The following RUNX1T1 variants were observed in gnomAD, a reference collection of about 807,000 sequenced individuals.
RUNX1T1 encodes RUNX1 partner transcriptional co-repressor 1.
RUNX1T1 carries 4 observed loss-of-function variants against 62.8 expected under a neutral mutation model. The ratio of observed to expected loss-of-function variants is 0.06; its 90% CI spans 0.03 to 0.15. The LOEUF is 0.15. RUNX1T1 is among the 10% of genes least tolerant of loss of function. The pLI, the probability that RUNX1T1 is intolerant of heterozygous loss-of-function variation, is 1.00. For missense variants in RUNX1T1, 508 were observed against 754.3 expected, an observed-to-expected ratio of 0.67 and a Z score of 3.82; for synonymous variants, 291 against 286.0, an observed-to-expected ratio of 1.02 and a Z score of -0.18.
chr8:91,965,704 C>G (rs148243415), intron 10 of RUNX1T1, among the ~76,000 whole-genome samples: 34 of 152,184 alleles, frequency 2.2e-4, no homozygotes, highest in African/African-American at 8.2e-4. Context: ...CACTTTATTG[C>G]AAACCCCTCT....
chr8:92,002,472 CA>C (rs750933763), intron 5 of RUNX1T1, among the ~76,000 whole-genome samples: 4 of 152,012 alleles, frequency 2.6e-5, no homozygotes, highest in Non-Finnish European at 4.4e-5. Context: ...TTAAATTTGC[CA>C]AAACCCATCC....
At chr8:92,024,067 G>A (rs1204295984) in intron 1 of RUNX1T1, among the ~76,000 whole-genome samples, 1 of 152,158 alleles carries the variant, frequency 6.6e-6, no homozygotes, top group Non-Finnish European at 1.5e-5. Flanking sequence ...TCATTCTAGT[G>A]AATACGAGGG....
intron 1 of RUNX1T1, among the ~76,000 whole-genome samples, chr8:92,058,951 C>T (rs1256220417): frequency 1.3e-5 from 2 of 152,088 alleles, no homozygotes; most frequent in Non-Finnish European, 2.9e-5. Flanking sequence ...TTTCAATAGA[C>T]CATTAACTGC....
At chr8:92,072,065 A>C (rs1223669988) in intron 2 of RUNX1T1, among the ~76,000 whole-genome samples, 2 of 152,250 alleles carry the variant, frequency 1.3e-5, no homozygotes, top group Non-Finnish European at 2.9e-5. Context: ...AAAAATTCAT[A>C]TACAGCAAAT....
At chr8:92,090,999 C>T (rs1383999567) in intron 1 of RUNX1T1, among the ~76,000 whole-genome samples, 1 of 152,188 alleles carries the variant, frequency 6.6e-6, no homozygotes, top group African/African-American at 2.4e-5. Flanking sequence ...CCAAGACCAA[C>T]AACTAAGTAG....
At chr8:92,014,741 G>A (rs1282813228) in exon 3 of RUNX1T1, 3 of 1,614,134 alleles carry the variant, frequency 1.9e-6, no homozygotes, top group African/African-American at 1.3e-5. Flanking sequence ...AGGAAGAAGA[G>A]GAAGGCCCAT....
chr8:92,002,508 T>C (rs1234919728), intron 5 of RUNX1T1, among the ~76,000 whole-genome samples: 1 of 152,176 alleles, frequency 6.6e-6, no homozygotes, highest in Non-Finnish European at 1.5e-5. Flanking sequence ...GACTGTTTAG[T>C]ACATTAACTC....
At chr8:92,019,584 C>T (rs1430600459) in intron 1 of RUNX1T1, among the ~76,000 whole-genome samples, 1 of 152,134 alleles carries the variant, frequency 6.6e-6, no homozygotes, top group African/African-American at 2.4e-5. Flanking sequence ...TTAATGTGCA[C>T]AGCCCCCTAC....
chr8:92,006,281 G>A (rs1338367228), intron 4 of RUNX1T1: 1 of 152,096 alleles, frequency 6.6e-6, no homozygotes, highest in Non-Finnish European at 1.5e-5. Flanking sequence ...ATTATTGTTT[G>A]GGGAGGGGCA....
chr8:92,080,527 A>G (rs559599536), intron 1 of RUNX1T1, among the ~76,000 whole-genome samples: 3 of 152,364 alleles, frequency 2.0e-5, no homozygotes, highest in South Asian at 2.1e-4. Flanking sequence ...CCTTTAAGGC[A>G]TAAGTGCACT....
chr8:92,034,974 A>C (rs549679543), intron 1 of RUNX1T1, among the ~76,000 whole-genome samples: 27 of 152,060 alleles, frequency 1.8e-4, no homozygotes, highest in Non-Finnish European at 3.5e-4. Context: ...ATTTATAAGT[A>C]GGAGCTAAAT....
At chr8:92,062,563 A>G in exon 1 of RUNX1T1, 1 of 1,614,064 alleles carries the variant, frequency 6.2e-7, no homozygotes, top group Non-Finnish European at 8.5e-7. Context: ...CCTTGAATCC[A>G]GCGTACCACA....
intron 1 of RUNX1T1, 109 bp from the exon 2 acceptor site, chr8:92,076,246 TA>T (rs927247456): frequency 2.6e-3 from 1,981 of 753,312 alleles, no homozygotes; most frequent in East Asian, 0.012. Context: ...ATGTTTTGTT[TA>T]AAAAAAAAAC....
At chr8:91,974,011 G>C (rs941787725) in intron 9 of RUNX1T1, among the ~76,000 whole-genome samples, 20 of 151,974 alleles carry the variant, frequency 1.3e-4, no homozygotes, top group Non-Finnish European at 2.7e-4. Context: ...ACACTTCCTA[G>C]ATAAGGTTTA....
At chr8:92,085,894 C>T (rs571258492) in intron 1 of RUNX1T1, among the ~76,000 whole-genome samples, 101 of 152,226 alleles carry the variant, frequency 6.6e-4, no homozygotes, top group African/African-American at 2.3e-3. Flanking sequence ...TCCAAAACAA[C>T]TCCTCCATTT....
chr8:91,969,113 T>A (rs1324635224), intron 10 of RUNX1T1, among the ~76,000 whole-genome samples: 1 of 152,194 alleles, frequency 6.6e-6, no homozygotes, highest in Non-Finnish European at 1.5e-5. Flanking sequence ...AGATCATTCT[T>A]ACATTAGTAG....
chr8:91,963,576 C>G (rs1810986961), intron 10 of RUNX1T1, among the ~76,000 whole-genome samples: 1 of 152,192 alleles, frequency 6.6e-6, no homozygotes, highest in Non-Finnish European at 1.5e-5. Flanking sequence ...CAGTGGCACT[C>G]AGCCCCTGAA....
chr8:91,979,126 T>C (rs1814625490), intron 8 of RUNX1T1, among the ~76,000 whole-genome samples: 1 of 152,164 alleles, frequency 6.6e-6, no homozygotes. Flanking sequence ...TGGTAGTAGG[T>C]ATACTCCTCA....
chr8:91,989,299 G>A (rs1182371696), intron 6 of RUNX1T1, among the ~76,000 whole-genome samples: 1 of 152,138 alleles, frequency 6.6e-6, no homozygotes, highest in Non-Finnish European at 1.5e-5. Flanking sequence ...GCAGCCTGAT[G>A]TAACACCATA....
Sources: allele counts gnomAD v4.1 joint callset (sites outside exome capture counted in the v4.1 genomes callset), GRCh38; gene constraint gnomAD v4.1.1; transcripts MANE v1.5; gene names NCBI Gene and HGNC (gene_info 2026-07-23, HGNC 2026-07-21).